PRAG1: variants seen among roughly 807,000 people sequenced by gnomAD.
PRAG1 encodes inactive tyrosine-protein kinase PRAG1.
PRAG1 carries 110 observed loss-of-function variants against 95.6 expected under a neutral mutation model. The ratio of observed to expected loss-of-function variants is 1.15; its 90% CI spans 0.99 to 1.35. The LOEUF is 1.35. Ranked by LOEUF, PRAG1 falls within the 40% of genes most tolerant of loss-of-function variation. The pLI is 0.00. For missense variants in PRAG1, 2,554 were observed against 1,864.7 expected, an observed-to-expected ratio of 1.37 and a Z score of -6.81; for synonymous variants, 1,052 against 819.4, an observed-to-expected ratio of 1.28 and a Z score of -4.85.
intron 5 of PRAG1, 33 bp downstream of exon 5, chr8:8,327,677 C>G (rs759883344): frequency 1.3e-6 from 2 of 1,581,536 alleles, no homozygotes; most frequent in African/African-American, 2.7e-5. Context: ...CAGCCAGTGG[C>G]ACAGCAGAAT....
intron 3 of PRAG1, among the ~76,000 whole-genome samples, chr8:8,356,837 T>C (rs751940191): frequency 6.6e-6 from 1 of 152,158 alleles, no homozygotes; most frequent in Non-Finnish European, 1.5e-5. Flanking sequence ...TATAGACATA[T>C]AGACTAATGT....
chr8:8,344,983 C>G (rs1366692388), intron 3 of PRAG1, among the ~76,000 whole-genome samples: 1 of 151,874 alleles, frequency 6.6e-6, no homozygotes, highest in Admixed American at 6.6e-5. Context: ...TGTCAAAACT[C>G]TCATCAAGTG....
intron 3 of PRAG1, among the ~76,000 whole-genome samples, chr8:8,372,237 C>T (rs933301460): frequency 6.6e-6 from 1 of 152,218 alleles, no homozygotes; most frequent in Non-Finnish European, 1.5e-5. Context: ...CCAGGCTGGT[C>T]TTGAACTCCT....
intron 4 of PRAG1, among the ~76,000 whole-genome samples, chr8:8,338,112 C>A (rs972795110): frequency 1.3e-5 from 2 of 152,212 alleles, no homozygotes; most frequent in African/African-American, 4.8e-5. Context: ...AAACCCTCCA[C>A]CAGCCTTCAT....
Position 8,318,118 on chromosome 8 carries a change from G to A in PRAG1, c.*36C>T, listed in dbSNP as rs762452334. ...AGGCGAGACAGGAAAGGGTTAGGCA[G>A]GGAAGGGGCAGCGACGGTGCAGGCT... On this transcript the variant is annotated 3_prime_UTR_variant, in exon 6 of 6. Coordinates refer to ENST00000615670, the MANE Select transcript of PRAG1 (RefSeq NM_001080826.3). The surrounding 1 kb of genome is among the most constrained non-coding windows in gnomAD (Gnocchi z 4.2). The A allele has an allele frequency of 5.7e-6, 9 of 1,574,046 alleles. No individual in the cohort carries two copies. Among genetic ancestry groups the A allele is most frequent in the South Asian group, 1.2e-5 (1 of 84,284 alleles).
intron 3 of PRAG1, among the ~76,000 whole-genome samples, chr8:8,365,410 G>C (rs1220452592): frequency 3.9e-5 from 6 of 151,976 alleles, no homozygotes; most frequent in African/African-American, 1.2e-4. Context: ...GATCACCTGA[G>C]GTCAGGAGTT....
At chr8:8,379,723 C>A (rs1043038756) in intron 2 of PRAG1, among the ~76,000 whole-genome samples, 13 of 152,212 alleles carry the variant, frequency 8.5e-5, no homozygotes, top group Admixed American at 6.5e-4. Flanking sequence ...GTCTTAGCCA[C>A]ATAGCTTCCT....
At chr8:8,355,672 T>G (rs1296627284) in intron 3 of PRAG1, among the ~76,000 whole-genome samples, 1 of 152,114 alleles carries the variant, frequency 6.6e-6, no homozygotes, top group East Asian at 1.9e-4. Flanking sequence ...AAGGGCACCA[T>G]AGAAAAGATA....
At chr8:8,334,564 C>T (rs74609549) in intron 4 of PRAG1, among the ~76,000 whole-genome samples, 13,295 of 151,440 alleles carry the variant, frequency 0.088, 723 homozygotes, top group Middle Eastern at 0.13. Flanking sequence ...TGAGGAGTCT[C>T]TCCAGACCAC....
At position 8,319,061 on chromosome 8, in the gene PRAG1, C is replaced by G; in HGVS notation, c.3314G>C (p.Arg1105Pro). ...CGCCTGGTGGCTGGCCGCCGAGTCC[C>G]GCACGAAGTCGGAGGCGGTCTGATG... ...VPHQTASDFV[R>P]DSAASHQAEP... is the part of the protein sequence containing the mutation. The change falls in exon 6 of 6, where the codon CGG (arginine) becomes CCG (proline). Residue 1105 changes from arginine to proline, a missense_variant. By Grantham distance (103) the Arg-to-Pro change is moderately radical. Transcript: ENST00000615670. 1 of 1,612,154 alleles carries G rather than the reference C, an allele frequency of 6.2e-7. No homozygotes were observed. Among genetic ancestry groups the G allele is most frequent in the Non-Finnish European group, 8.5e-7 (1 of 1,179,776 alleles).
At chr8:8,378,233 C>T (rs1335386234) in intron 2 of PRAG1, among the ~76,000 whole-genome samples, 155 bp from the exon 3 acceptor site, 1 of 152,222 alleles carries the variant, frequency 6.6e-6, no homozygotes, top group Non-Finnish European at 1.5e-5. Flanking sequence ...GCACGCCCAC[C>T]TTCTCATCTC....
chr8:8,363,961 T>C (rs560525047), intron 3 of PRAG1, among the ~76,000 whole-genome samples: 31 of 152,310 alleles, frequency 2.0e-4, no homozygotes, highest in Middle Eastern at 6.8e-3. Context: ...AAATAGTTTA[T>C]TTCATAATCA....
chr8:8,364,994 T>C (rs986754015), intron 3 of PRAG1, among the ~76,000 whole-genome samples: 1 of 152,268 alleles, frequency 6.6e-6, no homozygotes, highest in East Asian at 1.9e-4. Flanking sequence ...GACATGAATA[T>C]AGAGAAGATA....
rs968786562 is a variant in PRAG1, at chr8:8,376,940, A to C, written c.1469T>G (p.Leu490Arg). 3.1e-6 allele frequency: 5 copies of C among 1,613,262 alleles called. No individual in the cohort carries two copies. The African/African-American group carries it at 6.7e-5, about 22-fold the overall frequency. ...HPEEDHRTIY[L>R]SSPDSAVGVQ... ...CCCCACTGCAGAGTCAGGGCTGCTC[A>C]GGTAGATCGTCCGATGGTCCTCTTC... is the stretch of plus-strand genomic sequence containing the variant. Residue 490 changes from leucine (L) to arginine (R), a missense_variant, in exon 3 of 6, where the codon CTG becomes CGG. By Grantham distance (102) the Leu-to-Arg change is moderately radical. Transcript: ENST00000615670.
chr8:8,359,259 G>A (rs562124379), intron 3 of PRAG1, among the ~76,000 whole-genome samples: 1 of 152,234 alleles, frequency 6.6e-6, no homozygotes, highest in African/African-American at 2.4e-5. Flanking sequence ...ATTTCTAAAA[G>A]GAGAATTTTT....
chr8:8,351,602 A>G (rs966628427), intron 3 of PRAG1, among the ~76,000 whole-genome samples: 1 of 152,334 alleles, frequency 6.6e-6, no homozygotes, highest in Non-Finnish European at 1.5e-5. Flanking sequence ...TGATTTGTCC[A>G]TTGACCAGAC....
At position 8,327,843 on chromosome 8, in the gene PRAG1, T is replaced by G. The variant is rs777284702; in HGVS notation, c.2939A>C (p.Lys980Thr). ...GTTATTCTCATTGAAGTGGAGCTCCTTTTTCTGGCCGCCCATGAAGAGGTC... is the reference window on the plus strand; with the variant it reads ...GTTATTCTCATTGAAGTGGAGCTCCGTTTTCTGGCCGCCCATGAAGAGGTC... ...CEDLFMGGQK[K>T]ELHFNENNWS... The change falls in exon 5 of 6, where the codon AAG (lysine) becomes ACG (threonine). Residue 980 changes from lysine to threonine, a missense_variant. Physicochemically the swap from Lys to Thr is moderately conservative, Grantham distance 78. Transcript: ENST00000615670. The G allele has an allele frequency of 5.0e-6, 8 of 1,614,092 alleles. No homozygotes were observed. The highest frequency in any genetic ancestry group is 6.8e-6 in the Non-Finnish European group (8 of 1,180,042).
At chr8:8,342,122 C>T (rs1179215049) in intron 3 of PRAG1, among the ~76,000 whole-genome samples, 4 of 151,566 alleles carry the variant, frequency 2.6e-5, no homozygotes, top group South Asian at 4.2e-4. Context: ...CAGAGTGAAA[C>T]TGTGTCTCAA....
chr8:8,361,971 G>A (rs1472343189), intron 3 of PRAG1, among the ~76,000 whole-genome samples: 3 of 152,194 alleles, frequency 2.0e-5, no homozygotes, highest in East Asian at 3.9e-4. Flanking sequence ...TGAATGCTGG[G>A]TAGACTCAAC....
Sources: gnomAD v4.1 joint callset for allele counts (sites outside exome capture counted in the v4.1 genomes callset) on GRCh38, gnomAD v4.1.1 for gene constraint, Gnocchi (gnomAD v3.1) non-coding constraint, MANE v1.5 for transcripts, NCBI Gene and HGNC (gene_info 2026-07-23, HGNC 2026-07-21) for gene names.